The following SLC19A1 variants were observed in gnomAD, a reference collection of about 807,000 sequenced individuals.
SLC19A1 encodes reduced folate transporter.
A neutral mutation model predicts 35.3 loss-of-function variants in SLC19A1; 37 were observed. That is an observed-to-expected ratio of 1.05 (90% CI 0.81 to 1.38). The LOEUF (loss-of-function observed/expected upper bound fraction) is 1.38. Among genes scored for constraint, SLC19A1 ranks in the 40% most tolerant of loss-of-function variants. SLC19A1 has a pLI of 0.00. For missense variants in SLC19A1, 831 were observed against 826.9 expected, an observed-to-expected ratio of 1.00 and a Z score of -0.06; for synonymous variants, 460 against 398.5, an observed-to-expected ratio of 1.15 and a Z score of -1.84.
At chr21:45,555,744 C>T (rs1341227085) in intron 1 of SLC19A1, among the ~76,000 whole-genome samples, 1 of 152,080 alleles carries the variant, frequency 6.6e-6, no homozygotes, top group Non-Finnish European at 1.5e-5. Flanking sequence ...ACGGCGGGCG[C>T]TGGCAGAAAG....
In SLC19A1 at chr21:45,531,750, G is replaced by C; in HGVS notation, c.588C>G (p.Ser196Arg). The C allele has an allele frequency of 1.2e-6, 2 of 1,612,026 alleles. No individual in the cohort carries two copies. Among genetic ancestry groups the C allele is most frequent in the Non-Finnish European group, 1.7e-6 (2 of 1,179,242 alleles). Reference sequence around the variant, plus strand: ...GCTTCAGGAAGAGGGCGAGGACCACGCTGAAGGTGAGGAAGGCCAGCGAGA... The same window carrying C: ...GCTTCAGGAAGAGGGCGAGGACCACCCTGAAGGTGAGGAAGGCCAGCGAGA... ...NYISLAFLTFSVVLALFLKRP... is the reference protein window; with the variant it reads ...NYISLAFLTFRVVLALFLKRP... The change falls in exon 3 of 6, where the codon AGC becomes AGG. Residue 196 changes from serine (S) to arginine (R), a missense_variant. By Grantham distance (110) the Ser-to-Arg change is moderately radical (BLOSUM62 -1). Transcript: ENST00000311124.
Position 45,515,355 on chromosome 21 carries a change from C to T in SLC19A1, c.*303G>A. 1 of 1,437,340 alleles carries T rather than the reference C, an allele frequency of 7.0e-7. No homozygotes were observed. The highest frequency in any genetic ancestry group is 9.0e-7 in the Non-Finnish European group (1 of 1,105,104). The allele number at this position is 1,437,340 out of a possible 1,614,324, so 89.0% of individuals were successfully genotyped here. On this transcript the variant is annotated 3_prime_UTR_variant, in exon 6 of 6. Transcript: ENST00000311124. ...GCCCTGGGGGGCAGAAAGGATTTGT[C>T]TCAAGCCCCCCAAGGGGCATGAGCC... is the stretch of plus-strand genomic sequence containing the variant.
rs144172078 is a variant in SLC19A1, at chr21:45,534,425, A to C, written c.190-2277T>G. On this transcript the variant is annotated intron_variant, in intron 2 of 5. Transcript: ENST00000311124. This position sits in a 1 kb window ranked among gnomAD's most constrained non-coding sequence, Gnocchi z 4.2. ...CAGCCCCAGCCCCTGGCCGGGGCACAGGTTCTGCCCACAGCCCAGAGTCAA... is the reference window on the plus strand; with the variant it reads ...CAGCCCCAGCCCCTGGCCGGGGCACCGGTTCTGCCCACAGCCCAGAGTCAA... 1,573 of 846,154 alleles carry C rather than the reference A, an allele frequency of 1.9e-3. 21 individuals are homozygous for C. In the African/African-American group the frequency reaches 0.023, roughly 13 times the overall value. 52.4% of individuals were successfully genotyped at this position (846,154 alleles called of 1,614,324 possible).
chr21:45,504,312 C>G (rs2037050252), intron 3 of SLC19A1: 5 of 1,192,254 alleles, frequency 4.2e-6, no homozygotes, highest in Middle Eastern at 4.8e-4. Context: ...CAGGCCTGGG[C>G]TCCGGAAGCT....
At chr21:45,553,005 G>A (rs2078482140) in intron 1 of SLC19A1, among the ~76,000 whole-genome samples, 1 of 152,180 alleles carries the variant, frequency 6.6e-6, no homozygotes, top group Non-Finnish European at 1.5e-5. Flanking sequence ...CTCGCGCAAT[G>A]GAAGCTCTTC....
chr21:45,513,277 G>C lies in SLC19A1; in HGVS notation c.*2381C>G, dbSNP rs1484818094. 6.6e-6 allele frequency: 1 copy of C among 152,340 alleles called. No individual in the cohort carries two copies. Among genetic ancestry groups the C allele is most frequent in the Non-Finnish European group, 1.5e-5 (1 of 68,122 alleles). 9.4% of individuals were successfully genotyped at this position (152,340 alleles called of 1,614,324 possible). On this transcript the variant is annotated 3_prime_UTR_variant, in exon 6 of 6. Transcript: ENST00000311124. ...CAGGATGGAACACGGCCACATCAAAGAGGCTGAGGCTGGCACAGGACATGC... is the reference window on the plus strand; with the variant it reads ...CAGGATGGAACACGGCCACATCAAACAGGCTGAGGCTGGCACAGGACATGC...
exon 1 of SLC19A1, among the ~76,000 whole-genome samples, chr21:45,562,884 G>A (rs1469719492): frequency 6.6e-6 from 1 of 152,190 alleles, no homozygotes; most frequent in Non-Finnish European, 1.5e-5. Flanking sequence ...GGATCAGAGG[G>A]GAAGGAGCTG....
At chr21:45,510,208 T>C (rs1462198892), downstream of SLC19A1, 3 of 1,604,732 alleles carry the variant, frequency 1.9e-6, no homozygotes, top group East Asian at 6.8e-5. Flanking sequence ...GCAGGACCTG[T>C]ACAGCATCGT....
intron 3 of SLC19A1, 41 bp from the exon 4 acceptor site, chr21:45,531,012 G>T (rs780538241): frequency 3.5e-6 from 4 of 1,130,614 alleles, no homozygotes; most frequent in Non-Finnish European, 4.4e-6. Context: ...GCCCTGGGGG[G>T]CCACGGGGCA....
chr21:45,511,304 T>A (rs2037595155), downstream of SLC19A1: 1 of 759,538 alleles, frequency 1.3e-6, no homozygotes. Context: ...TATCTGCAGT[T>A]TCCCCCCGAG....
chr21:45,532,001 C>T lies in SLC19A1; in HGVS notation c.337G>A (p.Gly113Ser), dbSNP rs2077939509. 1 of 1,610,222 alleles carries T rather than the reference C, an allele frequency of 6.2e-7. No homozygotes were observed. The highest frequency in any genetic ancestry group is 8.5e-7 in the Non-Finnish European group (1 of 1,179,542). ...FVSVWLLLLL[G>S]HSVAHMQLME... ...AGCTGCATGTGCGCCACCGAGTGGC[C>T]CAGCAGCAGCAGCAGCCACACCGAC... The change falls in exon 3 of 6, where the codon GGC becomes AGC. Residue 113 changes from glycine (G) to serine (S), a missense_variant. By Grantham distance (56) the Gly-to-Ser change is moderately conservative. Coordinates refer to ENST00000311124, the MANE Select transcript of SLC19A1 (RefSeq NM_194255.4).
intron 1 of SLC19A1, among the ~76,000 whole-genome samples, chr21:45,538,314 T>G (rs948364539): frequency 1.3e-5 from 2 of 152,220 alleles, no homozygotes; most frequent in East Asian, 1.9e-4. Context: ...CTAATTGACT[T>G]ACTTTATTAA....
At chr21:45,548,870 ACTATAAAGG>A (rs1425336013), upstream of SLC19A1, among the ~76,000 whole-genome samples, 1 of 152,236 alleles carries the variant, frequency 6.6e-6, no homozygotes, top group Admixed American at 6.5e-5. Flanking sequence ...AACCACTCCT[ACTATAAAGG>A]CTAAAATTTA....
intron 5 of SLC19A1, among the ~76,000 whole-genome samples, chr21:45,518,179 TA>T (rs908380547): frequency 5.9e-5 from 9 of 151,526 alleles, no homozygotes; most frequent in African/African-American, 1.9e-4. Context: ...ATAGGAGAAA[TA>T]AAAAAAATTT....
Position 45,516,098 on chromosome 21 carries a change from A to G in SLC19A1, c.1336T>C (p.Tyr446His). Reference sequence around the variant, plus strand: ...CCATCCAGCATGGCCCCCAAGAAGTAGATGATGGACAGGATCAGGAAGTAC... The same window carrying G: ...CCATCCAGCATGGCCCCCAAGAAGTGGATGATGGACAGGATCAGGAAGTAC... Reference protein sequence around the residue: ...SVYFLILSIIYFLGAMLDGLR... With the variant: ...SVYFLILSIIHFLGAMLDGLR... Residue 446 changes from tyrosine to histidine, a missense_variant, in exon 6 of 6, where the codon TAC becomes CAC. Coordinates refer to ENST00000311124, the MANE Select transcript of SLC19A1 (RefSeq NM_194255.4). 1 of 1,605,926 alleles carries G rather than the reference A, an allele frequency of 6.2e-7. No individual in the cohort carries two copies. The highest frequency in any genetic ancestry group is 1.7e-5 in the Admixed American group (1 of 58,668).
chr21:45,529,919 G>A (rs2077803187), intron 4 of SLC19A1, among the ~76,000 whole-genome samples: 1 of 149,858 alleles, frequency 6.7e-6, no homozygotes, highest in South Asian at 2.1e-4. Flanking sequence ...GTGTCCCTGT[G>A]AGTGTGTGTG....
chr21:45,506,089 T>C, intron 3 of SLC19A1: 1 of 1,466,004 alleles, frequency 6.8e-7, no homozygotes, highest in South Asian at 1.1e-5. Flanking sequence ...CCAGCGCTTC[T>C]TAAACTTTCA....
downstream of SLC19A1, chr21:45,511,290 C>A: frequency 1.2e-6 from 1 of 840,072 alleles, no homozygotes; most frequent in Non-Finnish European, 2.0e-6. Flanking sequence ...GGCGGGCGGG[C>A]TCCTATCTGC....
At chr21:45,552,809 C>T (rs542235080) in intron 1 of SLC19A1, among the ~76,000 whole-genome samples, 35 of 152,072 alleles carry the variant, frequency 2.3e-4, no homozygotes, top group African/African-American at 6.0e-4. Flanking sequence ...TGGGCTGGTC[C>T]GCCCGTCCAC....
Sources: allele counts gnomAD v4.1 joint callset (sites outside exome capture counted in the v4.1 genomes callset), GRCh38; gene constraint gnomAD v4.1.1; non-coding constraint Gnocchi (gnomAD v3.1); transcripts MANE v1.5; gene names NCBI Gene and HGNC (gene_info 2026-07-23, HGNC 2026-07-21).